The following GULP1 variants were observed in gnomAD, a reference collection of about 807,000 sequenced individuals.
The protein encoded by GULP1 is PTB domain-containing engulfment adapter protein 1.
A neutral mutation model predicts 40.9 loss-of-function variants in GULP1; 19 were observed. That is an observed-to-expected ratio of 0.46 (90% CI 0.32 to 0.68). The LOEUF (loss-of-function observed/expected upper bound fraction) is 0.68, where lower values mean the gene tolerates loss of function less well. GULP1 is among the 30% of genes least tolerant of loss of function. The pLI, the probability that GULP1 is intolerant of heterozygous loss-of-function variation, is 0.03. For missense variants in GULP1, 312 were observed against 362.2 expected (o/e 0.86, Z 1.12); for synonymous variants, 119 against 117.6 (o/e 1.01, Z -0.08).
intron 1 of GULP1, among the ~76,000 whole-genome samples, chr2:188,316,621 C>T (rs4426503): frequency 0.48 from 73,087 of 151,982 alleles, 18,221 homozygotes; most frequent in East Asian, 0.71. Flanking sequence ...CTGCTTTTTC[C>T]TCAGAAGTCA....
chr2:188,344,814 A>G (rs1359564755), intron 1 of GULP1, among the ~76,000 whole-genome samples: 3 of 152,212 alleles, frequency 2.0e-5, no homozygotes, highest in African/African-American at 4.8e-5. Context: ...AAATACACAC[A>G]TGCACATACC....
At chr2:188,418,746 C>G (rs563371604) in intron 2 of GULP1, among the ~76,000 whole-genome samples, 2 of 152,202 alleles carry the variant, frequency 1.3e-5, no homozygotes, top group African/African-American at 2.4e-5. Context: ...AATGTGAGAT[C>G]TACCTTTTTA....
chr2:188,477,795 T>C, intron 3 of GULP1, 65 bp downstream of exon 3: 3 of 1,220,808 alleles, frequency 2.5e-6, no homozygotes, highest in East Asian at 2.5e-5. Context: ...TAAGCAGCGA[T>C]GTTAAGAAAT....
intron 6 of GULP1, among the ~76,000 whole-genome samples, chr2:188,533,418 G>C: frequency 6.6e-6 from 1 of 152,120 alleles, no homozygotes; most frequent in Non-Finnish European, 1.5e-5. Flanking sequence ...GGGATACCTG[G>C]CTAGCCATAT....
chr2:188,569,054 G>A (rs760734163), intron 7 of GULP1, among the ~76,000 whole-genome samples, 185 bp from the exon 8 acceptor site: 3 of 152,048 alleles, frequency 2.0e-5, no homozygotes, highest in Non-Finnish European at 4.4e-5. Context: ...GCCTGGGTAG[G>A]TGTTGAGTTA....
chr2:188,480,119 T>G (rs1452885307), intron 3 of GULP1, among the ~76,000 whole-genome samples: 1 of 152,104 alleles, frequency 6.6e-6, no homozygotes, highest in Non-Finnish European at 1.5e-5. Flanking sequence ...GAGCCCCCGC[T>G]CCTGGTTTCA....
intron 2 of GULP1, among the ~76,000 whole-genome samples, chr2:188,457,830 A>G (rs1401225264): frequency 6.6e-6 from 1 of 152,174 alleles, no homozygotes; most frequent in Non-Finnish European, 1.5e-5. Flanking sequence ...CCCCCCACAC[A>G]TGCATTCCCT....
chr2:188,431,480 T>G (rs115823865), intron 2 of GULP1, among the ~76,000 whole-genome samples: 2,745 of 152,188 alleles, frequency 0.018, 78 homozygotes, highest in African/African-American at 0.063. Context: ...AAGAAACAGA[T>G]TATATAGAAT....
At chr2:188,310,123 T>G (rs1226688384) in intron 1 of GULP1, among the ~76,000 whole-genome samples, 2 of 152,214 alleles carry the variant, frequency 1.3e-5, no homozygotes, top group African/African-American at 4.8e-5. Context: ...CTACATTTCC[T>G]AAGTGTTTAT....
intron 2 of GULP1, among the ~76,000 whole-genome samples, chr2:188,398,425 A>G (rs750434293): frequency 7.9e-5 from 12 of 152,238 alleles, no homozygotes; most frequent in East Asian, 3.8e-4. Context: ...TAGTACATCT[A>G]TATATGTAAT....
chr2:188,433,105 T>C (rs1319044221), intron 2 of GULP1, among the ~76,000 whole-genome samples: 4 of 152,116 alleles, frequency 2.6e-5, no homozygotes, highest in African/African-American at 9.7e-5. Context: ...AGACTCTATA[T>C]TTTAAAATGT....
chr2:188,395,862 G>T (rs957900845), intron 2 of GULP1, among the ~76,000 whole-genome samples: 1 of 152,132 alleles, frequency 6.6e-6, no homozygotes, highest in Non-Finnish European at 1.5e-5. Context: ...TCTGGTGGGG[G>T]TAGCAGGGGG....
chr2:188,472,118 A>T (rs1450061622), intron 2 of GULP1, among the ~76,000 whole-genome samples: 1 of 152,046 alleles, frequency 6.6e-6, no homozygotes, highest in African/African-American at 2.4e-5. Context: ...TAAGGTTTCC[A>T]CTGGAAATTC....
chr2:188,310,818 C>CCAGT (rs1369822098), intron 1 of GULP1, among the ~76,000 whole-genome samples: 3 of 151,980 alleles, frequency 2.0e-5, no homozygotes, highest in African/African-American at 7.3e-5. Context: ...AATTTCAATA[C>CCAGT]CAGAGGGACT....
intron 1 of GULP1, among the ~76,000 whole-genome samples, chr2:188,317,471 C>T (rs1008137037): frequency 7.2e-5 from 11 of 151,972 alleles, no homozygotes; most frequent in African/African-American, 2.7e-4. Context: ...TTAATAATAA[C>T]CTGATTTGCA....
Position 188,417,480 on chromosome 2 carries a change from T to C in GULP1, c.-45+33591T>C, listed in dbSNP as rs1048632136. Among the ~76,000 whole-genome samples, 4 of 152,202 alleles carry C rather than the reference T, an allele frequency of 2.6e-5. No homozygotes were observed. The East Asian group carries it at 7.7e-4, about 29-fold the overall frequency. On this transcript the variant is annotated intron_variant, in intron 2 of 11. Transcript: ENST00000409830. Reference sequence around the variant, plus strand: ...AGGCTAAACTATGTACTATAAGTTATTCGAATTAGATAAAAACAGGAAAAA... The same window carrying C: ...AGGCTAAACTATGTACTATAAGTTACTCGAATTAGATAAAAACAGGAAAAA...
chr2:188,540,736 C>G (rs1690254615), intron 6 of GULP1, among the ~76,000 whole-genome samples: 1 of 152,036 alleles, frequency 6.6e-6, no homozygotes, highest in Non-Finnish European at 1.5e-5. Context: ...AAGCTGTGTT[C>G]TAAACTATAA....
chr2:188,442,427 G>A (rs772573033), intron 2 of GULP1, among the ~76,000 whole-genome samples: 7 of 152,200 alleles, frequency 4.6e-5, no homozygotes, highest in African/African-American at 1.7e-4. Context: ...CATTATAATG[G>A]ATAACCAATT....
In GULP1 at chr2:188,334,030, G is replaced by A. The variant is rs542811016; in HGVS notation, c.-172+41864G>A. On this transcript the variant is annotated intron_variant, in intron 1 of 11. Transcript: ENST00000409830. ...ATTCCCTAAAGACTAGGGAATTTCT[G>A]TAGTGACTCCACCCCAACGCTGAAC... is the stretch of plus-strand genomic sequence containing the variant. Among the ~76,000 whole-genome samples the A allele has an allele frequency of 2.0e-5, 3 of 152,206 alleles. No individual in the cohort carries two copies. The East Asian group carries it at 5.8e-4, about 30-fold the overall frequency.
Sources: gnomAD v4.1 joint callset for allele counts (sites outside exome capture counted in the v4.1 genomes callset) on GRCh38, gnomAD v4.1.1 for gene constraint, MANE v1.5 for transcripts, NCBI Gene and HGNC (gene_info 2026-07-23, HGNC 2026-07-21) for gene names.